MRTFA: variants seen among roughly 807,000 people sequenced by gnomAD.
The protein encoded by MRTFA is myocardin-related transcription factor A.
MRTFA carries 20 observed loss-of-function variants against 83.5 expected under a neutral mutation model. The ratio of observed to expected loss-of-function variants is 0.24; its 90% confidence interval spans 0.17 to 0.35. The LOEUF (loss-of-function observed/expected upper bound fraction) is 0.35. MRTFA is among the 10% of genes least tolerant of loss of function. The pLI, the probability that MRTFA is intolerant of heterozygous loss-of-function variation, is 1.00. For synonymous variants in MRTFA, 659 were observed against 541.2 expected, an observed-to-expected ratio of 1.22 and a Z score of -3.02; for missense variants, 1,200 against 1,224.7, an observed-to-expected ratio of 0.98 and a Z score of 0.30.
At chr22:40,412,018 G>A (rs547871523) in intron 14 of MRTFA, 111 bp from the exon 15 acceptor site, 141 of 921,808 alleles carry the variant, frequency 1.5e-4, no homozygotes, top group South Asian at 9.9e-4. Flanking sequence ...AAAATAAAAC[G>A]GATCAAAGAC....
chr22:40,583,276 T>C (rs1402387209), intron 2 of MRTFA, among the ~76,000 whole-genome samples: 3 of 152,214 alleles, frequency 2.0e-5, no homozygotes, highest in South Asian at 2.1e-4. Context: ...AATGAAACCA[T>C]AGCTCCCTAT....
chr22:40,568,699 A>G (rs1199880035), intron 2 of MRTFA, among the ~76,000 whole-genome samples: 1 of 152,234 alleles, frequency 6.6e-6, no homozygotes, highest in East Asian at 1.9e-4. Flanking sequence ...TAATACAACT[A>G]AAGTGTTCTC....
chr22:40,600,595 C>G (rs779076677), intron 1 of MRTFA, among the ~76,000 whole-genome samples: 5 of 152,186 alleles, frequency 3.3e-5, no homozygotes, highest in Non-Finnish European at 7.3e-5. Context: ...GCCTATGTAG[C>G]CTGCTGGTCA....
At chr22:40,431,589 G>A (rs2053070158) in intron 5 of MRTFA, 109 bp from the exon 6 acceptor site, 1 of 1,028,930 alleles carries the variant, frequency 9.7e-7, no homozygotes, top group Non-Finnish European at 1.5e-6. Flanking sequence ...CACCTCTGCA[G>A]TTCCCACAAC....
intron 3 of MRTFA, among the ~76,000 whole-genome samples, chr22:40,501,094 C>T (rs1265054825): frequency 1.2e-5 from 1 of 86,760 alleles, no homozygotes; most frequent in Admixed American, 1.1e-4. Flanking sequence ...CCAGTAGGGG[C>T]GGCCGGGCAG....
chr22:40,437,609 C>T (rs2053196115), intron 4 of MRTFA, among the ~76,000 whole-genome samples: 1 of 151,930 alleles, frequency 6.6e-6, no homozygotes, highest in Non-Finnish European at 1.5e-5. Flanking sequence ...AAAATACAAA[C>T]ATTTTTGTAC....
At chr22:40,613,314 T>C (rs996916062) in intron 1 of MRTFA, among the ~76,000 whole-genome samples, 5 of 152,216 alleles carry the variant, frequency 3.3e-5, no homozygotes, top group Admixed American at 6.5e-5. Context: ...ACATGGTTTT[T>C]TGTTGACTGT....
In MRTFA at chr22:40,459,029, C is replaced by T. The variant is rs946933609; in HGVS notation, c.307+4192G>A. Among the ~76,000 whole-genome samples the T allele has an allele frequency of 1.1e-4, 17 of 150,296 alleles. 2 individuals carry two copies. The highest frequency in any genetic ancestry group is 9.3e-4 in the Admixed American group (14 of 15,062). The stretch of plus-strand genomic sequence containing the variant: ...GGCAGAGGCTGCAGTGAGCTGAGAT[C>T]GCGCCACTGCACTCCAGCCTCGGCG... On this transcript the variant is annotated intron_variant, in intron 4 of 14. Transcript: ENST00000355630.
chr22:40,579,618 A>G (rs754425614), intron 2 of MRTFA, among the ~76,000 whole-genome samples: 2 of 152,100 alleles, frequency 1.3e-5, no homozygotes, highest in Admixed American at 6.6e-5. Context: ...CCAACACTTT[A>G]GGAGGCCAAG....
Position 40,418,571 on chromosome 22 carries a change from C to A in MRTFA, c.2167G>T (p.Val723Leu). 7 of 1,558,182 alleles carry A rather than the reference C, an allele frequency of 4.5e-6. No individual in the cohort carries two copies. The highest frequency in any genetic ancestry group is 5.2e-6 in the Non-Finnish European group (6 of 1,158,576). ...TCAGGCTGCAAGGCTTCCTGCTTCA[C>A]CACCACGGACGGGGGCCCCGGGGCC... The change falls in exon 12 of 15, where the codon GTG becomes TTG. Residue 723 changes from valine (V) to leucine (L), a missense_variant. By Grantham distance (32) the Val-to-Leu change is conservative. Transcript: ENST00000355630.
intron 2 of MRTFA, among the ~76,000 whole-genome samples, chr22:40,582,527 C>T (rs957336778): frequency 1.3e-5 from 2 of 152,078 alleles, no homozygotes; most frequent in South Asian, 4.1e-4. Flanking sequence ...CATCAGGGTG[C>T]TGAATTCCTA....
chr22:40,477,886 A>G (rs1231797498), intron 3 of MRTFA, among the ~76,000 whole-genome samples: 3 of 152,138 alleles, frequency 2.0e-5, no homozygotes, highest in African/African-American at 4.8e-5. Context: ...TTTGGAAGGC[A>G]GTTTAGGAAC....
intron 1 of MRTFA, among the ~76,000 whole-genome samples, chr22:40,598,815 C>T (rs2056222442): frequency 1.3e-5 from 2 of 149,418 alleles, no homozygotes; most frequent in African/African-American, 2.5e-5. Context: ...GGAGAAATTC[C>T]GTCGCTACTT....
At chr22:40,440,151 CAAAAA>C (rs376161982) in intron 4 of MRTFA, among the ~76,000 whole-genome samples, 29 of 70,740 alleles carry the variant, frequency 4.1e-4, no homozygotes, top group East Asian at 3.3e-4. Context: ...GACTCCGTCT[CAAAAA>C]AAAAAAAAAA....
At chr22:40,587,007 C>T (rs2056040683) in intron 2 of MRTFA, 1 of 474,674 alleles carries the variant, frequency 2.1e-6, no homozygotes. Context: ...CCTGGTGTTG[C>T]AGAGCATGGT....
intron 3 of MRTFA, among the ~76,000 whole-genome samples, chr22:40,530,543 T>C (rs2055060144): frequency 6.6e-6 from 1 of 152,238 alleles, no homozygotes. Flanking sequence ...ATGATCCACC[T>C]GCCTCGGCTT....
intron 3 of MRTFA, among the ~76,000 whole-genome samples, chr22:40,489,494 C>T (rs73167080): frequency 2.0e-5 from 3 of 148,312 alleles, no homozygotes; most frequent in Admixed American, 6.7e-5. Context: ...TTTTTTTTTT[C>T]TAGAGACAGG....
rs756033541 is a variant in MRTFA, at chr22:40,439,504, C to CAA, written c.308-3952_308-3951dup. On this transcript the variant is annotated intron_variant, in intron 4 of 14. Transcript: ENST00000355630. ...TGGGTGACAGAGCAAGACTCTGTCT[C>CAA]AAAAAAAAAAAAAAAAAAAAAAAAA... is the stretch of plus-strand genomic sequence containing the variant. 5.2e-3 allele frequency among the ~76,000 whole-genome samples: 166 copies of CAA among 32,104 alleles called. 11 individuals are homozygous for CAA. Among genetic ancestry groups the CAA allele is most frequent in the South Asian group, 0.013 (15 of 1,128 alleles). The allele number at this position is 32,104 out of a possible 152,430, so 21.1% of individuals were successfully genotyped here. A position where few individuals can be genotyped will look rare whatever the true frequency, so the allele number is the denominator to read the frequency against.
chr22:40,451,836 A>T (rs1405891043), intron 4 of MRTFA, among the ~76,000 whole-genome samples: 1 of 152,030 alleles, frequency 6.6e-6, no homozygotes, highest in Non-Finnish European at 1.5e-5. Flanking sequence ...GTGCAAACCA[A>T]TTTTTTTAAA....
Sources: gnomAD v4.1 joint callset for allele counts (sites outside exome capture counted in the v4.1 genomes callset) on GRCh38, gnomAD v4.1.1 for gene constraint, MANE v1.5 for transcripts, NCBI Gene and HGNC (gene_info 2026-07-23, HGNC 2026-07-21) for gene names.